BLTP1: variants seen among roughly 807,000 people sequenced by gnomAD.
BLTP1 encodes bridge-like lipid transfer protein family member 1, also known as fragile site-associated protein.
the BLTP1 span, chr4:122,210,063 T>A: frequency 7.5e-7 from 1 of 1,340,118 alleles, no homozygotes; most frequent in East Asian, 2.8e-5. Context: ...TTTAGATTAA[T>A]TGTAGCTACC....
At chr4:122,344,897 G>A in the BLTP1 span, 2 of 985,122 alleles carry the variant, frequency 2.0e-6, no homozygotes, top group Non-Finnish European at 2.4e-6. Flanking sequence ...ACTAAAACGG[G>A]ATGAGTGATG....
At chr4:122,168,054 A>G in the BLTP1 span, 53 of 210,558 alleles carry the variant, frequency 2.5e-4, 1 homozygote, top group East Asian at 5.6e-3. Flanking sequence ...CAGAATATCT[A>G]CTTCTTACTT....
the BLTP1 span, among the ~76,000 whole-genome samples, chr4:122,220,045 A>G: frequency 6.6e-6 from 1 of 152,106 alleles, no homozygotes; most frequent in African/African-American, 2.4e-5. Flanking sequence ...GTTCTGGCTG[A>G]CATGGAATGA....
At chr4:122,305,858 G>T in the BLTP1 span, 3 of 1,543,220 alleles carry the variant, frequency 1.9e-6, no homozygotes, top group Admixed American at 2.1e-5. Flanking sequence ...ATTTTATTGA[G>T]CTTTAAATTT....
chr4:122,336,674 T>C, the BLTP1 span: 20 of 974,916 alleles, frequency 2.1e-5, no homozygotes, highest in African/African-American at 5.3e-5. Context: ...CTTTGTACAG[T>C]GTTTGGTATA....
At chr4:122,337,200 T>G in the BLTP1 span, 1 of 587,880 alleles carries the variant, frequency 1.7e-6, no homozygotes, top group Non-Finnish European at 3.0e-6. Flanking sequence ...TAAAATTTTA[T>G]GTATATACAG....
the BLTP1 span, chr4:122,269,549 T>C: frequency 2.0e-6 from 2 of 985,342 alleles, no homozygotes; most frequent in Non-Finnish European, 2.4e-6. Context: ...TGTAATTCCA[T>C]CTTAAGCTCT....
chr4:122,291,246 C>T, the BLTP1 span, among the ~76,000 whole-genome samples: 1 of 152,162 alleles, frequency 6.6e-6, no homozygotes, highest in African/African-American at 2.4e-5. Context: ...CAGCCATGAA[C>T]CTTGAGAAAA....
the BLTP1 span, chr4:122,267,703 C>A: frequency 1.0e-5 from 7 of 690,210 alleles, no homozygotes; most frequent in Non-Finnish European, 1.2e-5. Context: ...TAAGAACCAT[C>A]TTTTGCTGTT....
At chr4:122,315,697 A>C in the BLTP1 span, 1 of 1,612,998 alleles carries the variant, frequency 6.2e-7, no homozygotes, top group Non-Finnish European at 8.5e-7. Flanking sequence ...CTGTAAGTAA[A>C]CTCACTGTTA....
At chr4:122,286,895 TTTG>T in the BLTP1 span, 1 of 951,356 alleles carries the variant, frequency 1.1e-6, no homozygotes, top group Non-Finnish European at 1.5e-6. Context: ...CTTAAAATAA[TTTG>T]TTTTCACAGA....
chr4:122,198,316 C>T, the BLTP1 span: 10 of 985,076 alleles, frequency 1.0e-5, no homozygotes, highest in African/African-American at 1.7e-4. Flanking sequence ...TCTAGGAGTG[C>T]TAATTCAGAG....
At chr4:122,246,361 C>A in the BLTP1 span, 1 of 1,351,956 alleles carries the variant, frequency 7.4e-7, no homozygotes, top group South Asian at 1.6e-5. Context: ...GGTGTTTGTC[C>A]TTTTCAGTTA....
At chr4:122,186,185 G>A in the BLTP1 span, 5 of 1,611,998 alleles carry the variant, frequency 3.1e-6, no homozygotes, top group Non-Finnish European at 4.2e-6. Flanking sequence ...TAAAACACGG[G>A]AAATTGGAAG....
At chr4:122,336,849 A>T in the BLTP1 span, 1 of 1,576,818 alleles carries the variant, frequency 6.3e-7, no homozygotes, top group Non-Finnish European at 8.6e-7. Flanking sequence ...CCTTTGATCT[A>T]ATAATAAAAC....
At chr4:122,289,776 G>A in the BLTP1 span, 2 of 980,490 alleles carry the variant, frequency 2.0e-6, no homozygotes, top group Non-Finnish European at 2.4e-6. Flanking sequence ...CCATAAATTG[G>A]CATCAAAAGG....
chr4:122,348,207 C>G, the BLTP1 span, among the ~76,000 whole-genome samples: 34 of 152,290 alleles, frequency 2.2e-4, no homozygotes, highest in Non-Finnish European at 4.0e-4. Context: ...AGAATGGTTT[C>G]TGCCTTTGAG....
At chr4:122,232,830 C>T in the BLTP1 span, among the ~76,000 whole-genome samples, 1 of 152,130 alleles carries the variant, frequency 6.6e-6, no homozygotes, top group African/African-American at 2.4e-5. Flanking sequence ...GCATTCATGT[C>T]ATACCCAGCA....
chr4:122,277,980 C>G, the BLTP1 span, among the ~76,000 whole-genome samples: 2 of 151,984 alleles, frequency 1.3e-5, no homozygotes, highest in East Asian at 3.9e-4. Context: ...TGAGAATATA[C>G]TTATTTTCTT....
Sources: allele counts gnomAD v4.1 joint callset (sites outside exome capture counted in the v4.1 genomes callset), GRCh38; gene constraint gnomAD v4.1.1; transcripts MANE v1.5; gene names NCBI Gene and HGNC (gene_info 2026-07-23, HGNC 2026-07-21).